KRAS: variants seen among roughly 807,000 people sequenced by gnomAD.
KRAS encodes KRas proto-oncogene, GTPase, also known as GTPase KRas.
In KRAS, 1 loss-of-function variant was observed where a neutral mutation model predicts 21.0. The observed-to-expected ratio is 0.05, with a 90% CI of 0.02 to 0.23. The LOEUF is 0.23. Among genes scored for constraint, KRAS ranks in the 10% least tolerant of loss-of-function variants. The pLI is 1.00. For synonymous variants in KRAS, 67 were observed against 72.5 expected, an observed-to-expected ratio of 0.92 and a Z score of 0.39; for missense variants, 107 against 221.8, an observed-to-expected ratio of 0.48 and a Z score of 3.29.
At chr12:25,246,613 C>T (rs1186297041) in intron 1 of KRAS, among the ~76,000 whole-genome samples, 5 of 151,912 alleles carry the variant, frequency 3.3e-5, no homozygotes, top group African/African-American at 7.3e-5. Context: ...AGTAAGAAAA[C>T]AGCTGTTAAG....
chr12:25,238,780 C>T (rs1951573926), intron 2 of KRAS, among the ~76,000 whole-genome samples: 1 of 152,056 alleles, frequency 6.6e-6, no homozygotes. Flanking sequence ...ATGGACATAC[C>T]ATAATTTATT....
intron 4 of KRAS, among the ~76,000 whole-genome samples, chr12:25,212,322 C>T (rs1951207506): frequency 6.6e-6 from 1 of 152,206 alleles, no homozygotes. Context: ...AGAGAAGACA[C>T]ATTTTATGGT....
At chr12:25,243,315 A>G (rs1322343289) in intron 2 of KRAS, among the ~76,000 whole-genome samples, 3 of 152,180 alleles carry the variant, frequency 2.0e-5, no homozygotes, top group Non-Finnish European at 4.4e-5. Flanking sequence ...AATCTCAGAT[A>G]CCTTTTCCCA....
chr12:25,232,430 T>C (rs1951485904), intron 2 of KRAS, among the ~76,000 whole-genome samples: 1 of 152,164 alleles, frequency 6.6e-6, no homozygotes, highest in African/African-American at 2.4e-5. Context: ...CAACAAATAT[T>C]ATTTATTCTC....
chr12:25,223,541 T>C (rs61762415), intron 4 of KRAS, among the ~76,000 whole-genome samples: 1,930 of 152,242 alleles, frequency 0.013, 39 homozygotes, highest in South Asian at 0.082. Context: ...TTTAGTAAAA[T>C]TGCCAGATAA....
Position 25,207,303 on chromosome 12 carries a change from CAGG to C in KRAS, c.*2489_*2491del. 1 of 193,420 alleles carries C rather than the reference CAGG, an allele frequency of 5.2e-6. No individual in the cohort carries two copies. The highest frequency in any genetic ancestry group is 8.2e-5 in the East Asian group (1 of 12,228). 12.0% of individuals were successfully genotyped at this position (193,420 alleles called of 1,614,324 possible). On this transcript the variant is annotated 3_prime_UTR_variant, in exon 5 of 5. Transcript: ENST00000311936. The stretch of plus-strand genomic sequence containing the variant: ...CCAAGGTGGGTGAATCACTTGAGGT[CAGG>C]AGTTCGAGACCAGCCTGGCCAACAG...
intron 2 of KRAS, among the ~76,000 whole-genome samples, chr12:25,243,567 G>A (rs1056756623): frequency 2.0e-5 from 3 of 152,002 alleles, no homozygotes; most frequent in East Asian, 1.9e-4. Flanking sequence ...CATTCATGAC[G>A]TCATGCTGTA....
chr12:25,223,272 TTAAA>T (rs1247295624), intron 4 of KRAS, among the ~76,000 whole-genome samples: 1 of 152,158 alleles, frequency 6.6e-6, no homozygotes. Context: ...TGCAAATGTT[TTAAA>T]TAAAACTCAA....
rs558387387 is a variant in KRAS, at chr12:25,225,033, T to C, written c.450+581A>G. The C allele has an allele frequency of 7.9e-5, 12 of 152,116 alleles. 1 individual carries two copies. In the East Asian group the frequency reaches 2.3e-3, roughly 29 times the overall value. The allele number at this position is 152,116 out of a possible 1,614,324, so 9.4% of individuals were successfully genotyped here. On this transcript the variant is annotated intron_variant, in intron 4 of 4. Coordinates refer to ENST00000311936, the MANE Select transcript of KRAS (RefSeq NM_004985.5). ...TCATTTTTAAAACAAAGATGATTTTTGAAACAAAATTCAGGTTCTCTCTGG... is the reference window on the plus strand; with the variant it reads ...TCATTTTTAAAACAAAGATGATTTTCGAAACAAAATTCAGGTTCTCTCTGG...
At position 25,224,680 on chromosome 12, in the gene KRAS, T is replaced by C. The variant is rs552390108; in HGVS notation, c.450+934A>G. 2.0e-5 allele frequency among the ~76,000 whole-genome samples: 3 copies of C among 152,310 alleles called. No individual in the cohort carries two copies. The South Asian group carries it at 6.2e-4, about 32-fold the overall frequency. On this transcript the variant is annotated intron_variant, in intron 4 of 4. Transcript: ENST00000311936. ...TTTAGACACACAAAACTTACCATTG[T>C]GTTAACAATTGCCTTATAGTCATTA... is the stretch of plus-strand genomic sequence containing the variant.
chr12:25,237,392 T>C (rs1951556839), intron 2 of KRAS, among the ~76,000 whole-genome samples: 1 of 152,212 alleles, frequency 6.6e-6, no homozygotes, highest in African/African-American at 2.4e-5. Context: ...TGAATACATT[T>C]CAATTTTTTA....
chr12:25,225,886 G>C (rs1951386465), intron 3 of KRAS, 113 bp from the exon 4 acceptor site: 1 of 941,328 alleles, frequency 1.1e-6, no homozygotes, highest in Non-Finnish European at 1.6e-6. Flanking sequence ...GTAATTCCTA[G>C]TTTCCACTAC....
At chr12:25,227,556 G>A (rs1267399446) in intron 2 of KRAS, 144 bp from the exon 3 acceptor site, 28 of 675,112 alleles carry the variant, frequency 4.1e-5, no homozygotes, top group South Asian at 3.1e-4. Context: ...CAAAGATGAC[G>A]GACAAATGGC....
chr12:25,212,636 CA>C (rs1951210573), intron 4 of KRAS, among the ~76,000 whole-genome samples: 1 of 152,158 alleles, frequency 6.6e-6, no homozygotes, highest in Non-Finnish European at 1.5e-5. Context: ...CTACACAGAG[CA>C]ATGAATTCTT....
At chr12:25,249,477 A>T (rs1951735054) in intron 1 of KRAS, among the ~76,000 whole-genome samples, 1 of 150,654 alleles carries the variant, frequency 6.6e-6, no homozygotes, top group African/African-American at 2.4e-5. Flanking sequence ...TACTAGTCCC[A>T]GCTACTCGGG....
In KRAS at chr12:25,208,734, G is replaced by A. The variant is rs1455619488; in HGVS notation, c.*1061C>T. 1.3e-5 allele frequency: 3 copies of A among 232,734 alleles called. No homozygotes were observed. Among genetic ancestry groups the A allele is most frequent in the African/African-American group, 2.2e-5 (1 of 45,292 alleles). 14.4% of individuals were successfully genotyped at this position (232,734 alleles called of 1,614,324 possible). A position where few individuals can be genotyped will look rare whatever the true frequency, so the allele number is the denominator to read the frequency against. The stretch of plus-strand genomic sequence containing the variant: ...CAATGCATGACAACACTGGATGACC[G>A]TGGGGACACAGTCCATGCTGTGAAA... On this transcript the variant is annotated 3_prime_UTR_variant, in exon 5 of 5. Coordinates refer to ENST00000311936, the MANE Select transcript of KRAS (RefSeq NM_004985.5).
At chr12:25,249,330 G>C (rs1210597566) in intron 1 of KRAS, among the ~76,000 whole-genome samples, 3 of 152,168 alleles carry the variant, frequency 2.0e-5, no homozygotes, top group Non-Finnish European at 2.9e-5. Context: ...GCAGGAGGCA[G>C]AGGTTGCAGT....
intron 4 of KRAS, among the ~76,000 whole-genome samples, chr12:25,214,613 T>C (rs1184399583): frequency 1.3e-5 from 2 of 152,136 alleles, no homozygotes; most frequent in African/African-American, 4.8e-5. Flanking sequence ...GGTCTTGAAC[T>C]CCTGACCTCA....
intron 2 of KRAS, among the ~76,000 whole-genome samples, chr12:25,243,831 C>T (rs1359020806): frequency 6.6e-6 from 1 of 152,154 alleles, no homozygotes; most frequent in Non-Finnish European, 1.5e-5. Flanking sequence ...AGAAACAAAA[C>T]TATAGTACAC....
Sources: allele counts gnomAD v4.1 joint callset (sites outside exome capture counted in the v4.1 genomes callset), GRCh38; gene constraint gnomAD v4.1.1; transcripts MANE v1.5; gene names NCBI Gene and HGNC (gene_info 2026-07-23, HGNC 2026-07-21).